Variants in MTOR observed in about 807,000 individuals in gnomAD.
The protein encoded by MTOR is mechanistic target of rapamycin kinase, also known as serine/threonine-protein kinase mTOR.
MTOR carries 70 observed loss-of-function variants against 319.8 expected under a neutral mutation model. That is an observed-to-expected ratio of 0.22 (90% CI 0.18 to 0.27). MTOR has a LOEUF of 0.27. Ranked by LOEUF, MTOR falls within the 10% of genes least tolerant of loss-of-function variation. The pLI is 1.00. For synonymous variants in MTOR, 1,183 were observed against 1,211.4 expected (o/e 0.98, Z 0.49); for missense variants, 1,890 against 3,274.4 (o/e 0.58, Z 10.32).
chr1:11,123,079 G>A (rs576725492), intron 47 of MTOR, among the ~76,000 whole-genome samples: 5 of 152,200 alleles, frequency 3.3e-5, no homozygotes, highest in Non-Finnish European at 5.9e-5. Context: ...CATCCCACAA[G>A]GGGTCAGACC....
In MTOR at chr1:11,199,931, ATTTATT is replaced by A. The variant is rs1472391883; in HGVS notation, c.3945-234_3945-229del. Reference sequence around the variant, plus strand: ...GCCAAGGAACTGAATTTTACATTTTATTTATTTTTAATTAACCACATATGGCTAGTG... The same window carrying A: ...GCCAAGGAACTGAATTTTACATTTTATTTAATTAACCACATATGGCTAGTG... On this transcript the variant is annotated intron_variant, in intron 26 of 57. Transcript: ENST00000361445. This position sits in a 1 kb window ranked among gnomAD's most constrained non-coding sequence, Gnocchi z 4.5. Among the ~76,000 whole-genome samples the A allele has an allele frequency of 6.6e-6, 1 of 152,126 alleles. No homozygotes were observed. Among genetic ancestry groups the A allele is most frequent in the African/African-American group, 2.4e-5 (1 of 41,428 alleles).
At chr1:11,256,348 C>A (rs903849066) in intron 4 of MTOR, 156 bp from the exon 5 acceptor site, 8 of 983,750 alleles carry the variant, frequency 8.1e-6, no homozygotes, top group Non-Finnish European at 7.2e-6. Context: ...GGAAGGAAAG[C>A]AAAATTGATT....
intron 31 of MTOR, among the ~76,000 whole-genome samples, chr1:11,148,419 C>G (rs1644011632): frequency 1.3e-5 from 2 of 152,112 alleles, no homozygotes; most frequent in Admixed American, 1.3e-4. Flanking sequence ...CGAAAACCCT[C>G]TGCATTTCCT....
intron 28 of MTOR, among the ~76,000 whole-genome samples, chr1:11,173,425 C>T (rs758357057): frequency 1.1e-4 from 17 of 151,934 alleles, no homozygotes; most frequent in Non-Finnish European, 2.1e-4. Context: ...CAAAGGCCTA[C>T]ACCACCACAC....
intron 36 of MTOR, among the ~76,000 whole-genome samples, chr1:11,137,932 A>G (rs575318638): frequency 4.9e-4 from 75 of 152,328 alleles, no homozygotes; most frequent in African/African-American, 1.7e-3. Flanking sequence ...ATTATTAAGT[A>G]GTCAGTTTTC....
chr1:11,170,486 CAGG>C (rs1557799693), intron 28 of MTOR, among the ~76,000 whole-genome samples: 1 of 151,860 alleles, frequency 6.6e-6, no homozygotes, highest in Non-Finnish European at 1.5e-5. Flanking sequence ...GAGGTTGAGG[CAGG>C]AGGATTGCTT....
rs1447920399 is a variant in MTOR, at chr1:11,128,277, G to A, written c.5911-151C>T. ...GAAGGGGCTCAGTCTTCGAGGGAACGCTTTCTTTTTAGCAAGGCTCCCGGG... is the reference window on the plus strand; with the variant it reads ...GAAGGGGCTCAGTCTTCGAGGGAACACTTTCTTTTTAGCAAGGCTCCCGGG... On this transcript the variant is annotated intron_variant, in intron 42 of 57. Coordinates refer to ENST00000361445, the MANE Select transcript of MTOR (RefSeq NM_004958.4). This position sits in a 1 kb window ranked among gnomAD's most constrained non-coding sequence, Gnocchi z 5.3. The A allele has an allele frequency of 7.5e-6, 10 of 1,337,504 alleles. No homozygotes were observed. Among genetic ancestry groups the A allele is most frequent in the Middle Eastern group, 2.6e-4 (1 of 3,860 alleles). 82.9% of individuals were successfully genotyped at this position (1,337,504 alleles called of 1,614,324 possible).
At position 11,228,700 on chromosome 1, in the gene MTOR, C is replaced by CCCCATCACA. The variant is rs761784536; in HGVS notation, c.2997_2998insTGTGATGGG (p.Asn999_Val1000insCysAspGly). On this transcript the variant is annotated inframe_insertion, in exon 19 of 58. Transcript: ENST00000361445. ...ATGGCCCCATCACAGACTCGAATGACGTTAAGGAACGTGGGCATGACCTGG... is the reference window on the plus strand; with the variant it reads ...ATGGCCCCATCACAGACTCGAATGACCCCATCACAGTTAAGGAACGTGGGCATGACCTGG... 1 of 1,614,072 alleles carries CCCCATCACA rather than the reference C, an allele frequency of 6.2e-7. No homozygotes were observed.
chr1:11,236,125 T>G (rs1397433361), intron 13 of MTOR, among the ~76,000 whole-genome samples: 1 of 151,612 alleles, frequency 6.6e-6, no homozygotes, highest in East Asian at 1.9e-4. Context: ...AGGAGGTATT[T>G]CTTATTTTTT....
intron 16 of MTOR, 90 bp from the exon 17 acceptor site, chr1:11,231,524 G>T: frequency 1.4e-6 from 2 of 1,464,116 alleles, no homozygotes; most frequent in Non-Finnish European, 1.8e-6. Context: ...ATAATGAAGT[G>T]TTAGAGGCTG....
At chr1:11,113,870 AGGTGATTAGATCATGGGGAT>A (rs1472941194) in intron 53 of MTOR, among the ~76,000 whole-genome samples, 2 of 152,070 alleles carry the variant, frequency 1.3e-5, no homozygotes, top group African/African-American at 4.8e-5. Context: ...ACCTCATGGG[AGGTGATTAGATCATGGGGAT>A]GGTTCCTCCA....
chr1:11,202,474 G>C (rs907145207), intron 26 of MTOR, among the ~76,000 whole-genome samples: 4 of 150,122 alleles, frequency 2.7e-5, no homozygotes, highest in African/African-American at 9.8e-5. Flanking sequence ...TTTTTTTGGC[G>C]GGGTTGAGGG....
intron 19 of MTOR, among the ~76,000 whole-genome samples, chr1:11,220,665 G>A (rs910209071): frequency 1.3e-5 from 2 of 152,224 alleles, no homozygotes; most frequent in African/African-American, 4.8e-5. Context: ...AAACAAGCTT[G>A]TCCAACTCCT....
intron 21 of MTOR, 24 bp downstream of exon 21, chr1:11,213,375 T>C (rs1173756372): frequency 8.1e-6 from 13 of 1,600,932 alleles, no homozygotes; most frequent in Non-Finnish European, 1.1e-5. Flanking sequence ...AAAATCTCTC[T>C]GGAGGATGAC....
At chr1:11,130,390 T>C in intron 39 of MTOR, 139 bp downstream of exon 39, 1 of 1,325,104 alleles carries the variant, frequency 7.5e-7, no homozygotes, top group Admixed American at 2.4e-5. Flanking sequence ...CAGTGCTGGA[T>C]GGTAGATAGG....
intron 30 of MTOR, among the ~76,000 whole-genome samples, chr1:11,154,929 T>G (rs1223210942): frequency 6.6e-6 from 1 of 151,982 alleles, no homozygotes; most frequent in African/African-American, 2.4e-5. Context: ...GAGGATCGCT[T>G]GAACCCCAGG....
Position 11,133,234 on chromosome 1 carries a change from C to T in MTOR, c.5247-37G>A, listed in dbSNP as rs1254250594. 6.4e-7 allele frequency: 1 copy of T among 1,567,986 alleles called. No individual in the cohort carries two copies. Among genetic ancestry groups the T allele is most frequent in the Admixed American group, 1.7e-5 (1 of 59,966 alleles). ...GAAACAAGCCCCCATGACATTCCCT[C>T]CTCAAAACAGCCCTCCTAAGAGGAC... On this transcript the variant is annotated intron_variant, in intron 37 of 57. Coordinates refer to ENST00000361445, the MANE Select transcript of MTOR (RefSeq NM_004958.4). This position sits in a 1 kb window ranked among gnomAD's most constrained non-coding sequence, Gnocchi z 4.0.
intron 30 of MTOR, among the ~76,000 whole-genome samples, chr1:11,151,786 AT>A (rs1436310226): frequency 6.6e-6 from 1 of 152,190 alleles, no homozygotes; most frequent in Non-Finnish European, 1.5e-5. Context: ...ATAGTTCAAA[AT>A]TTACAGCTGG....
chr1:11,252,981 A>C (rs1051340731), intron 6 of MTOR, among the ~76,000 whole-genome samples: 1 of 152,128 alleles, frequency 6.6e-6, no homozygotes, highest in African/African-American at 2.4e-5. Context: ...TGCCAACGTC[A>C]CCCATTGCTC....
Sources: gnomAD v4.1 joint callset for allele counts (sites outside exome capture counted in the v4.1 genomes callset) on GRCh38, gnomAD v4.1.1 for gene constraint, Gnocchi (gnomAD v3.1) non-coding constraint, MANE v1.5 for transcripts, NCBI Gene and HGNC (gene_info 2026-07-23, HGNC 2026-07-21) for gene names.